MGST1: variants seen among roughly 807,000 people sequenced by gnomAD.
The protein encoded by MGST1 is glutathione S-transferase 12.
Under a neutral mutation model 8.9 loss-of-function variants are expected in MGST1, and 5 were observed. That is an observed-to-expected ratio of 0.56 (90% confidence interval 0.29 to 1.19). The LOEUF (loss-of-function observed/expected upper bound fraction) is 1.19, where lower values mean the gene tolerates loss of function less well. Among genes scored for constraint, MGST1 ranks in the 50% most tolerant of loss-of-function variants. The probability of loss-of-function intolerance (pLI) is 0.08; values close to 1 mark genes in which losing one functional copy is unlikely to be tolerated. For synonymous variants in MGST1, 54 were observed against 67.8 expected, an observed-to-expected ratio of 0.80 and a Z score of 1.00; for missense variants, 182 against 187.4, an observed-to-expected ratio of 0.97 and a Z score of 0.17.
At chr12:16,564,076 T>A (rs1942501182) in intron 4 of MGST1, among the ~76,000 whole-genome samples, 1 of 152,208 alleles carries the variant, frequency 6.6e-6, no homozygotes, top group East Asian at 1.9e-4. Context: ...ACTATTAATA[T>A]CTGTAGAAAT....
intron 4 of MGST1, among the ~76,000 whole-genome samples, chr12:16,565,823 T>C (rs1400783717): frequency 6.6e-6 from 1 of 150,932 alleles, no homozygotes; most frequent in Non-Finnish European, 1.5e-5. Flanking sequence ...TACCATATGA[T>C]CCAGCAATCC....
intron 4 of MGST1, among the ~76,000 whole-genome samples, chr12:16,465,085 G>A (rs192229964): frequency 7.9e-5 from 12 of 152,264 alleles, no homozygotes; most frequent in Admixed American, 2.0e-4. Flanking sequence ...ATGTAACCTA[G>A]GTGTGAGACT....
chr12:16,526,037 G>A (rs1190384512), intron 4 of MGST1, among the ~76,000 whole-genome samples: 5 of 144,826 alleles, frequency 3.5e-5, no homozygotes, highest in Admixed American at 1.4e-4. Context: ...GTAGATTCTG[G>A]ATATTAGCCC....
intron 4 of MGST1, among the ~76,000 whole-genome samples, chr12:16,514,778 T>G (rs1941601323): frequency 6.6e-6 from 1 of 152,240 alleles, no homozygotes; most frequent in Admixed American, 6.5e-5. Flanking sequence ...GATCATTTCC[T>G]TCAACCACAG....
intron 4 of MGST1, among the ~76,000 whole-genome samples, chr12:16,574,941 CT>C (rs1363691397): frequency 6.6e-6 from 1 of 152,130 alleles, no homozygotes; most frequent in Non-Finnish European, 1.5e-5. Context: ...TAGAAGGGTG[CT>C]CCCTACATAA....
At position 16,544,537 on chromosome 12, in the gene MGST1, C is replaced by A. The variant is rs1003750994; in HGVS notation, n.483-44991C>A. On this transcript the variant is annotated intron_variant and non_coding_transcript_variant, in intron 4 of 4. Transcript: ENST00000538857. This position sits in a 1 kb window ranked among gnomAD's most constrained non-coding sequence, Gnocchi z 4.8. ...ATTAAGTCAAACCATGCCAAGAACA[C>A]AAAGTGCTAATCAATACAATTGGGA... Among the ~76,000 whole-genome samples the A allele has an allele frequency of 4.6e-5, 7 of 151,952 alleles. No homozygotes were observed. Among genetic ancestry groups the A allele is most frequent in the African/African-American group, 1.7e-4 (7 of 41,392 alleles).
chr12:16,506,451 CTTCTGCTTGT>C (rs1941538451), intron 4 of MGST1, among the ~76,000 whole-genome samples: 1 of 152,106 alleles, frequency 6.6e-6, no homozygotes, highest in Non-Finnish European at 1.5e-5. Flanking sequence ...GCAGTGAGTA[CTTCTGCTTGT>C]AAGATATGCA....
chr12:16,477,650 CT>C (rs1941333157), intron 4 of MGST1, among the ~76,000 whole-genome samples: 1 of 152,168 alleles, frequency 6.6e-6, no homozygotes, highest in African/African-American at 2.4e-5. Context: ...CTACAAGTAA[CT>C]AATGCTCAGC....
rs1450333656 is a variant in MGST1, at chr12:16,586,596, G to A, written n.483-2932G>A. Among the ~76,000 whole-genome samples the A allele has an allele frequency of 1.3e-5, 2 of 152,172 alleles. No individual in the cohort carries two copies. The highest frequency in any genetic ancestry group is 2.9e-5 in the Non-Finnish European group (2 of 68,026). On this transcript the variant is annotated intron_variant and non_coding_transcript_variant, in intron 4 of 4. Transcript: ENST00000538857. This position sits in a 1 kb window ranked among gnomAD's most constrained non-coding sequence, Gnocchi z 4.3. ...GCAAAGACACTGCATTTCATCTTTGGACGTCCTTTCTTGGCAGGACCACTT... is the reference window on the plus strand; with the variant it reads ...GCAAAGACACTGCATTTCATCTTTGAACGTCCTTTCTTGGCAGGACCACTT...
At chr12:16,449,780 T>TC (rs928756112) in intron 4 of MGST1, among the ~76,000 whole-genome samples, 2 of 151,856 alleles carry the variant, frequency 1.3e-5, no homozygotes, top group Non-Finnish European at 2.9e-5. Flanking sequence ...CATCCATCTA[T>TC]CCCCCCATTC....
chr12:16,561,920 C>T (rs1355845180), intron 4 of MGST1, among the ~76,000 whole-genome samples: 2 of 152,076 alleles, frequency 1.3e-5, no homozygotes, highest in African/African-American at 4.8e-5. Context: ...AAAAAGTAAG[C>T]GAAGTTTACA....
intron 4 of MGST1, among the ~76,000 whole-genome samples, chr12:16,489,450 T>G (rs1191332338): frequency 6.6e-6 from 1 of 152,034 alleles, no homozygotes; most frequent in Non-Finnish European, 1.5e-5. Flanking sequence ...GATATCTGGG[T>G]TGCCTGTGTT....
chr12:16,472,976 G>T (rs1941298020), intron 4 of MGST1, among the ~76,000 whole-genome samples: 1 of 152,166 alleles, frequency 6.6e-6, no homozygotes, highest in South Asian at 2.1e-4. Context: ...AAGGCAAAAA[G>T]AACTTTCTCA....
intron 4 of MGST1, among the ~76,000 whole-genome samples, chr12:16,506,244 A>T (rs1941537262): frequency 6.6e-6 from 1 of 152,192 alleles, no homozygotes; most frequent in Non-Finnish European, 1.5e-5. Flanking sequence ...CCCGATTCCA[A>T]CAGTGACATG....
rs1179641850 is a variant in MGST1, at chr12:16,413,767, T to C, written n.779-23621T>C. Among the ~76,000 whole-genome samples, 1 of 152,228 alleles carries C rather than the reference T, an allele frequency of 6.6e-6. No homozygotes were observed. The highest frequency in any genetic ancestry group is 2.4e-5 in the African/African-American group (1 of 41,460). Reference sequence around the variant, plus strand: ...TGCTGCCAGTATTTGTTTACATTTGTTTCCACTTCTAGACTATGCAATTAA... The same window carrying C: ...TGCTGCCAGTATTTGTTTACATTTGCTTCCACTTCTAGACTATGCAATTAA... On this transcript the variant is annotated intron_variant and non_coding_transcript_variant, in intron 1 of 1. Transcript: ENST00000359720. This position sits in a 1 kb window ranked among gnomAD's most constrained non-coding sequence, Gnocchi z 4.0.
intron 4 of MGST1, among the ~76,000 whole-genome samples, chr12:16,469,779 C>G (rs886630116): frequency 6.6e-6 from 1 of 152,072 alleles, no homozygotes; most frequent in African/African-American, 2.4e-5. Context: ...GTAATTATCT[C>G]AAATAAAAAT....
chr12:16,562,859 C>T (rs1255494312), intron 4 of MGST1, among the ~76,000 whole-genome samples: 1 of 152,230 alleles, frequency 6.6e-6, no homozygotes, highest in African/African-American at 2.4e-5. Flanking sequence ...GCACTGCTAC[C>T]AGTGTACTTT....
At chr12:16,400,838 A>G in intron 1 of MGST1, 3 of 1,212,900 alleles carry the variant, frequency 2.5e-6, no homozygotes, top group Non-Finnish European at 3.7e-6. Context: ...ATCGATGTAG[A>G]TCTTCATTTC....
intron 1 of MGST1, chr12:16,348,006 T>C (rs1266979703): frequency 2.0e-5 from 3 of 152,166 alleles, no homozygotes; most frequent in African/African-American, 7.2e-5. Flanking sequence ...ACCTCCTGTT[T>C]GAAAGGGTCC....
Sources: gnomAD v4.1 joint callset for allele counts (sites outside exome capture counted in the v4.1 genomes callset) on GRCh38, gnomAD v4.1.1 for gene constraint, Gnocchi (gnomAD v3.1) non-coding constraint, MANE v1.5 for transcripts, NCBI Gene and HGNC (gene_info 2026-07-23, HGNC 2026-07-21) for gene names.